The following SLC39A11 variants were observed in gnomAD, a reference collection of about 807,000 sequenced individuals.
SLC39A11 encodes solute carrier family 39 member 11.
A neutral mutation model predicts 36.1 loss-of-function variants in SLC39A11; 33 were observed. The ratio of observed to expected loss-of-function variants is 0.91; its 90% confidence interval spans 0.69 to 1.22. SLC39A11 has a LOEUF of 1.22. SLC39A11 is among the 50% of genes most tolerant of loss of function. SLC39A11 has a pLI of 0.00. For synonymous variants in SLC39A11, 166 were observed against 170.3 expected (o/e 0.97, Z 0.20); for missense variants, 432 against 430.3 (o/e 1.00, Z -0.03).
chr17:73,022,767 C>T (rs2058395857), intron 4 of SLC39A11, among the ~76,000 whole-genome samples: 1 of 152,064 alleles, frequency 6.6e-6, no homozygotes, highest in African/African-American at 2.4e-5. Flanking sequence ...AGAAACAATG[C>T]TAACCATGGC....
At chr17:72,880,836 C>T (rs1436860267) in intron 5 of SLC39A11, among the ~76,000 whole-genome samples, 1 of 150,744 alleles carries the variant, frequency 6.6e-6, no homozygotes, top group Non-Finnish European at 1.5e-5. Context: ...CGCCCGCCAC[C>T]ACGCCCGGCT....
At chr17:72,838,294 C>T (rs1263683866) in intron 6 of SLC39A11, among the ~76,000 whole-genome samples, 2 of 150,168 alleles carry the variant, frequency 1.3e-5, no homozygotes, top group Admixed American at 6.7e-5. Context: ...AGTGGCACAA[C>T]CACGGCTCAC....
chr17:72,940,436 C>T (rs565430853), intron 5 of SLC39A11, among the ~76,000 whole-genome samples: 2 of 152,296 alleles, frequency 1.3e-5, no homozygotes, highest in South Asian at 2.1e-4. Context: ...CCAACACGCT[C>T]GGCTAATTTT....
chr17:72,912,704 G>A (rs181133721), intron 5 of SLC39A11, among the ~76,000 whole-genome samples: 3 of 152,208 alleles, frequency 2.0e-5, no homozygotes, highest in East Asian at 3.9e-4. Context: ...CAGAAGCATC[G>A]ACCAGAGCAG....
At chr17:72,937,212 G>A (rs754856162) in intron 5 of SLC39A11, among the ~76,000 whole-genome samples, 4 of 152,248 alleles carry the variant, frequency 2.6e-5, no homozygotes, top group Non-Finnish European at 5.9e-5. Flanking sequence ...AGGCCGAGGC[G>A]GGTGGATCGC....
chr17:72,670,858 G>A (rs2070992414), intron 7 of SLC39A11, among the ~76,000 whole-genome samples: 1 of 152,162 alleles, frequency 6.6e-6, no homozygotes, highest in African/African-American at 2.4e-5. Flanking sequence ...ACTTCCCCAA[G>A]AGGTTCTGGT....
intron 4 of SLC39A11, among the ~76,000 whole-genome samples, chr17:72,983,704 C>T (rs2088499712): frequency 6.6e-6 from 1 of 152,244 alleles, no homozygotes; most frequent in South Asian, 2.1e-4. Context: ...ACCACAGATC[C>T]CTTTGTACCT....
At chr17:72,752,391 C>T (rs796878823) in intron 6 of SLC39A11, among the ~76,000 whole-genome samples, 9 of 151,860 alleles carry the variant, frequency 5.9e-5, no homozygotes, top group Non-Finnish European at 1.0e-4. Flanking sequence ...ATTACAGGCA[C>T]GCACCACCAC....
intron 6 of SLC39A11, chr17:72,837,793 A>C: frequency 2.2e-6 from 1 of 451,828 alleles, no homozygotes. Context: ...AGACACAAAA[A>C]CATACATATT....
At chr17:72,861,690 A>ATATATATATATAT (rs2080028657) in intron 5 of SLC39A11, among the ~76,000 whole-genome samples, 1 of 75,684 alleles carries the variant, frequency 1.3e-5, no homozygotes, top group Non-Finnish European at 2.5e-5. Flanking sequence ...TATATATATA[A>ATATATATATATAT]AATATATATA....
rs770550045 is a variant in SLC39A11, at chr17:73,031,725, CACA to C, written c.148-14_148-12del. On this transcript the variant is annotated splice_polypyrimidine_tract_variant and intron_variant, in intron 3 of 9. Transcript: ENST00000255559. ...AGCTGCCAACATGACCTACAAAAACCACAACGAGAGATAAACGTTAAAGCAACT... is the reference window on the plus strand; with the variant it reads ...AGCTGCCAACATGACCTACAAAAACCACGAGAGATAAACGTTAAAGCAACT... 1.2e-5 allele frequency: 19 copies of C among 1,612,654 alleles called. No individual in the cohort carries two copies. The South Asian group carries it at 1.5e-4, about 13-fold the overall frequency.
chr17:73,089,926 C>G (rs754326878), intron 1 of SLC39A11, among the ~76,000 whole-genome samples: 1 of 152,174 alleles, frequency 6.6e-6, no homozygotes, highest in Non-Finnish European at 1.5e-5. Flanking sequence ...CAGATCTCTC[C>G]CTGTGGAAAG....
intron 7 of SLC39A11, among the ~76,000 whole-genome samples, chr17:72,659,558 C>T (rs1018354009): frequency 1.6e-4 from 23 of 147,176 alleles, no homozygotes; most frequent in Non-Finnish European, 3.3e-4. Context: ...CTCTCTTACA[C>T]GTGTCCTCTG....
intron 7 of SLC39A11, among the ~76,000 whole-genome samples, chr17:72,718,508 T>A (rs764612783): frequency 6.6e-6 from 1 of 152,130 alleles, no homozygotes; most frequent in Non-Finnish European, 1.5e-5. Flanking sequence ...AATGGGAGAT[T>A]AGACATTTTC....
intron 3 of SLC39A11, among the ~76,000 whole-genome samples, chr17:73,076,540 T>G (rs1197172276): frequency 6.6e-6 from 1 of 152,232 alleles, no homozygotes; most frequent in Non-Finnish European, 1.5e-5. Flanking sequence ...TACAGTGCTG[T>G]GTAGACATCT....
At chr17:72,767,475 T>C (rs969781440) in intron 6 of SLC39A11, among the ~76,000 whole-genome samples, 1 of 152,164 alleles carries the variant, frequency 6.6e-6, no homozygotes, top group Non-Finnish European at 1.5e-5. Flanking sequence ...CATTTTCTTG[T>C]AGGGGAGACA....
rs562411343 is a variant in SLC39A11 at position 72,909,426 on chromosome 17, T to C, written c.430+38326A>G. 3.9e-5 allele frequency among the ~76,000 whole-genome samples: 6 copies of C among 152,332 alleles called. No individual in the cohort carries two copies. In the East Asian group the frequency reaches 1.2e-3, roughly 29 times the overall value. On this transcript the variant is annotated intron_variant, in intron 5 of 9. Coordinates refer to ENST00000255559, the MANE Select transcript of SLC39A11 (RefSeq NM_139177.4). ...CCAAGCTCACTTGACCACTCATTAT[T>C]AGCACCCATCAGACGGGTCTCCATG...
chr17:72,781,460 A>G (rs111766154), intron 6 of SLC39A11, among the ~76,000 whole-genome samples: 5,624 of 144,572 alleles, frequency 0.039, 332 homozygotes, highest in African/African-American at 0.13. Context: ...GTCTCGCTCT[A>G]TCGCCCAGGC....
rs571672223 is a variant in SLC39A11 at position 72,718,805 on chromosome 17, AG to A, written c.671+17844del. On this transcript the variant is annotated intron_variant, in intron 7 of 9. Coordinates refer to ENST00000255559, the MANE Select transcript of SLC39A11 (RefSeq NM_139177.4). The stretch of plus-strand genomic sequence containing the variant: ...TTCCATGATTGCTAGAGGCTGGCAG[AG>A]GAAGTTTATTCGTGGGCTTCTGAAT... 4.6e-5 allele frequency among the ~76,000 whole-genome samples: 7 copies of A among 152,322 alleles called. No individual in the cohort carries two copies. In the South Asian group the frequency reaches 6.2e-4, roughly 14 times the overall value.
Sources: gnomAD v4.1 joint callset for allele counts (sites outside exome capture counted in the v4.1 genomes callset) on GRCh38, gnomAD v4.1.1 for gene constraint, MANE v1.5 for transcripts, NCBI Gene and HGNC (gene_info 2026-07-23, HGNC 2026-07-21) for gene names.